SMURF2: variants seen among roughly 807,000 people sequenced by gnomAD.
SMURF2 encodes the protein E3 ubiquitin-protein ligase SMURF2.
Under a neutral mutation model 109.6 loss-of-function variants are expected in SMURF2, and 48 were observed. That is an observed-to-expected ratio of 0.44 (90% CI 0.35 to 0.56). SMURF2 has a LOEUF of 0.56. Among genes scored for constraint, SMURF2 ranks in the 20% least tolerant of loss-of-function variants. The pLI is 0.01. For missense variants in SMURF2, 575 were observed against 909.0 expected (o/e 0.63, Z 4.72); for synonymous variants, 288 against 317.1 (o/e 0.91, Z 0.97).
intron 1 of SMURF2, among the ~76,000 whole-genome samples, chr17:64,611,144 G>C (rs560925289): frequency 1.2e-4 from 19 of 152,150 alleles, no homozygotes; most frequent in Non-Finnish European, 2.2e-4. Context: ...TGTAACCTGA[G>C]GATCACAGTG....
At chr17:64,636,234 T>G (rs573745629) in intron 1 of SMURF2, among the ~76,000 whole-genome samples, 10 of 152,322 alleles carry the variant, frequency 6.6e-5, no homozygotes, top group African/African-American at 2.4e-4. Flanking sequence ...GCTGAGACTA[T>G]AGGCATGTGC....
chr17:64,550,613 C>G (rs1345009169), intron 16 of SMURF2, among the ~76,000 whole-genome samples: 1 of 152,080 alleles, frequency 6.6e-6, no homozygotes, highest in Non-Finnish European at 1.5e-5. Context: ...AACCCCGTTT[C>G]TACTAAAAAT....
intron 1 of SMURF2, among the ~76,000 whole-genome samples, chr17:64,634,253 T>C (rs1463619749): frequency 6.6e-6 from 1 of 152,164 alleles, no homozygotes; most frequent in Non-Finnish European, 1.5e-5. Context: ...ATGTGGCAAA[T>C]CCCCTCATTT....
intron 1 of SMURF2, among the ~76,000 whole-genome samples, chr17:64,655,252 C>CATTTTTT (rs1555693811): frequency 1.2e-5 from 1 of 85,906 alleles, no homozygotes; most frequent in African/African-American, 5.5e-5. Context: ...AATGAAATGT[C>CATTTTTT]TTTTTTTTTT....
intron 8 of SMURF2, among the ~76,000 whole-genome samples, chr17:64,579,625 G>A (rs528000389): frequency 7.2e-5 from 11 of 152,292 alleles, no homozygotes; most frequent in African/African-American, 2.6e-4. Context: ...TGGCAGGAGA[G>A]TATTTCTTCT....
At chr17:64,640,919 A>G (rs1012953044) in intron 1 of SMURF2, among the ~76,000 whole-genome samples, 43 of 148,486 alleles carry the variant, frequency 2.9e-4, no homozygotes, top group Non-Finnish European at 4.9e-4. Flanking sequence ...CTCCATCTCA[A>G]AAAAAAAAAA....
intron 10 of SMURF2, among the ~76,000 whole-genome samples, chr17:64,566,922 G>A (rs1483884800): frequency 1.3e-5 from 2 of 148,258 alleles, no homozygotes; most frequent in Admixed American, 6.9e-5. Flanking sequence ...CCAGGCTGGA[G>A]TACAGTGGCG....
chr17:64,593,352 AGTG>A, intron 4 of SMURF2, 85 bp downstream of exon 4: 1 of 1,108,870 alleles, frequency 9.0e-7, no homozygotes, highest in Non-Finnish European at 1.2e-6. Context: ...ATACATATAT[AGTG>A]CATGTATATA....
intron 3 of SMURF2, chr17:64,593,928 C>A: frequency 6.4e-6 from 1 of 156,686 alleles, no homozygotes; most frequent in Non-Finnish European, 1.4e-5. Flanking sequence ...AAATACATGT[C>A]GATGACATGA....
At chr17:64,610,857 T>C (rs782387694) in intron 1 of SMURF2, among the ~76,000 whole-genome samples, 1 of 152,316 alleles carries the variant, frequency 6.6e-6, no homozygotes, top group East Asian at 1.9e-4. Context: ...TCCCTCACCA[T>C]TGCCTCTGAA....
At chr17:64,621,109 T>G (rs1016979816) in intron 1 of SMURF2, among the ~76,000 whole-genome samples, 2 of 152,220 alleles carry the variant, frequency 1.3e-5, no homozygotes, top group Admixed American at 6.5e-5. Context: ...TGTAACATTG[T>G]AAACAAAGGT....
At chr17:64,618,797 C>T (rs1192953593) in intron 1 of SMURF2, among the ~76,000 whole-genome samples, 1 of 152,138 alleles carries the variant, frequency 6.6e-6, no homozygotes, top group Non-Finnish European at 1.5e-5. Context: ...ACTTTTTGGC[C>T]ACTCCCAAGT....
chr17:64,574,130 TA>T (rs1173256527), intron 9 of SMURF2, among the ~76,000 whole-genome samples: 26 of 149,530 alleles, frequency 1.7e-4, no homozygotes, highest in African/African-American at 5.9e-4. Flanking sequence ...ACCTAAAAGT[TA>T]AAAAAAAAAT....
chr17:64,605,930 T>G (rs1231474784), intron 2 of SMURF2, among the ~76,000 whole-genome samples: 1 of 150,968 alleles, frequency 6.6e-6, no homozygotes, highest in Non-Finnish European at 1.5e-5. Context: ...CTGAAGTTTT[T>G]TTTTTTCACT....
intron 1 of SMURF2, among the ~76,000 whole-genome samples, chr17:64,650,257 G>A (rs377497458): frequency 3.5e-5 from 5 of 141,364 alleles, no homozygotes; most frequent in African/African-American, 8.1e-5. Flanking sequence ...GGCTGGTCTC[G>A]AACTCCTGAG....
intron 2 of SMURF2, among the ~76,000 whole-genome samples, chr17:64,603,596 A>C (rs1208686212): frequency 2.0e-5 from 3 of 151,986 alleles, no homozygotes; most frequent in South Asian, 2.1e-4. Flanking sequence ...AAAAAAAAAA[A>C]AAAACATAAT....
chr17:64,604,168 G>C (rs1555688844), intron 2 of SMURF2, among the ~76,000 whole-genome samples: 2 of 152,314 alleles, frequency 1.3e-5, no homozygotes, highest in South Asian at 2.1e-4. Flanking sequence ...ACCTTGGCCA[G>C]TGTGAACCTG....
At chr17:64,626,581 G>A (rs1555691195) in intron 1 of SMURF2, among the ~76,000 whole-genome samples, 1 of 151,976 alleles carries the variant, frequency 6.6e-6, no homozygotes, top group African/African-American at 2.4e-5. Context: ...TGGCCAACAT[G>A]GCAAAATCCC....
At chr17:64,571,181 A>G (rs1321814825) in intron 10 of SMURF2, among the ~76,000 whole-genome samples, 2 of 152,156 alleles carry the variant, frequency 1.3e-5, no homozygotes, top group African/African-American at 2.4e-5. Context: ...TTGTATTACA[A>G]TGGCAACACA....
Sources: gnomAD v4.1 joint callset for allele counts (sites outside exome capture counted in the v4.1 genomes callset) on GRCh38, gnomAD v4.1.1 for gene constraint, MANE v1.5 for transcripts, NCBI Gene and HGNC (gene_info 2026-07-23, HGNC 2026-07-21) for gene names.